SLC11A2: variants seen among roughly 807,000 people sequenced by gnomAD.
SLC11A2 encodes the protein solute carrier family 11 member 2, also known as natural resistance-associated macrophage protein 2.
In SLC11A2, 38 loss-of-function variants were observed where a neutral mutation model predicts 68.0. The observed-to-expected ratio is 0.56, with a 90% confidence interval of 0.43 to 0.73. The LOEUF is 0.73. Among genes scored for constraint, SLC11A2 ranks in the 30% least tolerant of loss-of-function variants. SLC11A2 has a pLI of 0.00. For missense variants in SLC11A2, 517 were observed against 690.5 expected (o/e 0.75, Z 2.82); for synonymous variants, 242 against 250.6 (o/e 0.97, Z 0.32).
chr12:51,019,826 G>C (rs145933631), intron 1 of SLC11A2, among the ~76,000 whole-genome samples: 2 of 151,416 alleles, frequency 1.3e-5, no homozygotes, highest in African/African-American at 4.8e-5. Context: ...TGTATTTGTT[G>C]TAGAGACATG....
chr12:50,999,931 C>G (rs1181587161), intron 6 of SLC11A2, among the ~76,000 whole-genome samples: 1 of 152,112 alleles, frequency 6.6e-6, no homozygotes, highest in Non-Finnish European at 1.5e-5. Flanking sequence ...TTGCTTGAAC[C>G]TGGGAGGCGG....
At chr12:51,019,920 C>T (rs1221628351) in intron 1 of SLC11A2, among the ~76,000 whole-genome samples, 1 of 152,108 alleles carries the variant, frequency 6.6e-6, no homozygotes, top group African/African-American at 2.4e-5. Flanking sequence ...GCTGGGATTA[C>T]AGGTATGAGC....
chr12:51,018,572 A>C lies in SLC11A2; in HGVS notation c.-39+7738T>G, dbSNP rs370490339. On this transcript the variant is annotated intron_variant, in intron 1 of 15. Coordinates refer to ENST00000262052, the MANE Select transcript of SLC11A2 (RefSeq NM_000617.3). ...CATTTTGGAAGGCCAAGGCGAGCAG[A>C]GTTCAATGCCAGCCTGGGCAACAGG... is the stretch of plus-strand genomic sequence containing the variant. 7.3e-5 allele frequency among the ~76,000 whole-genome samples: 11 copies of C among 151,590 alleles called. No individual in the cohort carries two copies. The East Asian group carries it at 1.9e-3, about 27-fold the overall frequency.
chr12:50,982,990 G>C (rs1592289619), downstream of SLC11A2, among the ~76,000 whole-genome samples: 1 of 150,426 alleles, frequency 6.6e-6, no homozygotes, highest in Non-Finnish European at 1.5e-5. Flanking sequence ...CTAAAGAACT[G>C]AGTCTAGATG....
At chr12:51,027,928 G>GA (rs912806746), upstream of SLC11A2, among the ~76,000 whole-genome samples, 3 of 148,242 alleles carry the variant, frequency 2.0e-5, no homozygotes, top group African/African-American at 7.4e-5. Context: ...GGGGGGGGGG[G>GA]GCTTGGCTTC....
At chr12:51,009,108 A>T in intron 2 of SLC11A2, 1 of 1,450,786 alleles carries the variant, frequency 6.9e-7, no homozygotes, top group Non-Finnish European at 9.3e-7. Flanking sequence ...TATATTTGGT[A>T]GGACTTACTC....
At chr12:50,980,669 G>C (rs1939973071), downstream of SLC11A2, 1 of 152,078 alleles carries the variant, frequency 6.6e-6, no homozygotes, top group African/African-American at 2.4e-5. Flanking sequence ...GGTATAAATA[G>C]GTATTTTAAA....
chr12:51,024,470 A>C (rs1405057284), intron 1 of SLC11A2: 9 of 152,258 alleles, frequency 5.9e-5, no homozygotes, highest in Admixed American at 5.2e-4. Context: ...TGAGGTCAGG[A>C]GTTCCAGACC....
At chr12:50,957,267 A>G in the SLC11A2 span, among the ~76,000 whole-genome samples, 8 of 151,558 alleles carry the variant, frequency 5.3e-5, no homozygotes, top group African/African-American at 1.7e-4. Flanking sequence ...CTGGAGCGCA[A>G]TAGCACAATC....
At chr12:50,971,016 T>C in the SLC11A2 span, among the ~76,000 whole-genome samples, 2 of 152,078 alleles carry the variant, frequency 1.3e-5, no homozygotes, top group African/African-American at 4.8e-5. Context: ...GTAGCTGGGA[T>C]TACAAGCACC....
rs770437585 is a variant in SLC11A2 at position 51,026,376 on chromosome 12, C to A, written c.-105G>T. On this transcript the variant is annotated 5_prime_UTR_variant, in exon 1 of 16. Transcript: ENST00000262052. ...CAGGGCTCCATATTCCGGGAGCCAG[C>A]GCCACGCTGGCTAACGCCCTCCCCT... 2.3e-6 allele frequency: 3 copies of A among 1,280,482 alleles called. No homozygotes were observed. Among genetic ancestry groups the A allele is most frequent in the Middle Eastern group, 3.3e-4 (1 of 3,048 alleles). The allele number at this position is 1,280,482 out of a possible 1,614,324, so 79.3% of individuals were successfully genotyped here.
chr12:50,974,576 A>G (rs897436895), downstream of SLC11A2, among the ~76,000 whole-genome samples: 11 of 152,250 alleles, frequency 7.2e-5, no homozygotes, highest in African/African-American at 2.2e-4. Flanking sequence ...AAGAAACTGC[A>G]TCAACTAACG....
chr12:51,002,859 G>A (rs984882516), intron 5 of SLC11A2, among the ~76,000 whole-genome samples: 2 of 151,880 alleles, frequency 1.3e-5, no homozygotes, highest in Non-Finnish European at 2.9e-5. Flanking sequence ...AGAATAGCTT[G>A]AACCCAAGAG....
intron 5 of SLC11A2, among the ~76,000 whole-genome samples, chr12:51,001,853 A>C (rs922176637): frequency 6.6e-6 from 1 of 152,128 alleles, no homozygotes; most frequent in Non-Finnish European, 1.5e-5. Flanking sequence ...CCACCACCAC[A>C]ACAACAGAAA....
chr12:50,971,739 T>A, the SLC11A2 span, among the ~76,000 whole-genome samples: 1 of 152,186 alleles, frequency 6.6e-6, no homozygotes, highest in Non-Finnish European at 1.5e-5. Flanking sequence ...ATATATGCAA[T>A]GTAAGATGAT....
chr12:51,008,235 T>C (rs28542973), intron 3 of SLC11A2: 38 of 342,526 alleles, frequency 1.1e-4, no homozygotes, highest in Middle Eastern at 8.7e-4. Context: ...GATAGATAGA[T>C]AGATAGATAG....
At chr12:51,000,212 G>T in intron 6 of SLC11A2, 101 bp downstream of exon 6, 1 of 827,686 alleles carries the variant, frequency 1.2e-6, no homozygotes. Context: ...AATAACAATT[G>T]AGTTGAGTCT....
the SLC11A2 span, among the ~76,000 whole-genome samples, chr12:50,969,663 T>G: frequency 1.4e-5 from 2 of 148,092 alleles, no homozygotes; most frequent in African/African-American, 5.0e-5. Context: ...CACGCCATTG[T>G]ACCACTCCAG....
At chr12:50,995,962 T>TG (rs765306535) in intron 9 of SLC11A2, among the ~76,000 whole-genome samples, 175 bp from the exon 10 acceptor site, 26 of 152,170 alleles carry the variant, frequency 1.7e-4, no homozygotes, top group Non-Finnish European at 2.9e-4. Context: ...GAACTTCATA[T>TG]GGGGGGAGAA....
Sources: allele counts gnomAD v4.1 joint callset (sites outside exome capture counted in the v4.1 genomes callset), GRCh38; gene constraint gnomAD v4.1.1; transcripts MANE v1.5; gene names NCBI Gene and HGNC (gene_info 2026-07-23, HGNC 2026-07-21).